Variants in ARNT2 observed in about 807,000 individuals in gnomAD.
The protein encoded by ARNT2 is ARNT protein 2.
A neutral mutation model predicts 91.7 loss-of-function variants in ARNT2; 36 were observed. That is an observed-to-expected ratio of 0.39 (90% confidence interval 0.30 to 0.52). The LOEUF is 0.52. Among genes scored for constraint, ARNT2 ranks in the 20% least tolerant of loss-of-function variants. ARNT2 has a pLI of 0.72. For missense variants in ARNT2, 775 were observed against 939.3 expected, an observed-to-expected ratio of 0.83 and a Z score of 2.29; for synonymous variants, 365 against 347.1, an observed-to-expected ratio of 1.05 and a Z score of -0.57.
At chr15:80,501,995 G>T (rs1285838572) in intron 5 of ARNT2, among the ~76,000 whole-genome samples, 1 of 152,158 alleles carries the variant, frequency 6.6e-6, no homozygotes, top group Non-Finnish European at 1.5e-5. Flanking sequence ...ACAGCTTCTG[G>T]TTGTGTTGGA....
At chr15:80,453,865 C>A (rs1218104892) in intron 2 of ARNT2, among the ~76,000 whole-genome samples, 2 of 152,152 alleles carry the variant, frequency 1.3e-5, no homozygotes, top group Non-Finnish European at 2.9e-5. Flanking sequence ...CACCCCCATT[C>A]CTTGCCTAGG....
Position 80,475,008 on chromosome 15 carries a change from A to G in ARNT2, c.409-2A>G. The G allele has an allele frequency of 6.2e-7, 1 of 1,614,028 alleles. No individual in the cohort carries two copies. Among genetic ancestry groups the G allele is most frequent in the Non-Finnish European group, 8.5e-7 (1 of 1,179,996 alleles). ...GTGCCAATCATAATCTTTTCTTTATAGGAACTGAAGCATCTCATCCTTGAA... is the reference window on the plus strand; with the variant it reads ...GTGCCAATCATAATCTTTTCTTTATGGGAACTGAAGCATCTCATCCTTGAA... On this transcript the variant is annotated splice_acceptor_variant, in intron 4 of 18. Transcript: ENST00000303329. LOFTEE classifies it high-confidence loss of function.
At chr15:80,478,339 T>C (rs895828930) in intron 5 of ARNT2, among the ~76,000 whole-genome samples, 3 of 152,172 alleles carry the variant, frequency 2.0e-5, no homozygotes, top group African/African-American at 7.2e-5. Context: ...AGCCAGCTGG[T>C]TCATCATAGT....
At chr15:80,411,183 C>G (rs1895675939) in intron 1 of ARNT2, among the ~76,000 whole-genome samples, 1 of 152,210 alleles carries the variant, frequency 6.6e-6, no homozygotes, top group African/African-American at 2.4e-5. Flanking sequence ...ATCATGCATT[C>G]TTCCAGGGCC....
At chr15:80,534,177 T>G (rs568060813) in intron 8 of ARNT2, among the ~76,000 whole-genome samples, 11 of 152,300 alleles carry the variant, frequency 7.2e-5, no homozygotes, top group African/African-American at 2.6e-4. Flanking sequence ...ATTTGATCAT[T>G]GAGGGGCAGG....
At chr15:80,468,209 C>G (rs1192251621) in intron 3 of ARNT2, among the ~76,000 whole-genome samples, 2 of 152,050 alleles carry the variant, frequency 1.3e-5, no homozygotes, top group Non-Finnish European at 1.5e-5. Context: ...CAGAGTTATC[C>G]TTTGTGGGTG....
At chr15:80,440,598 G>A (rs1896174723) in intron 1 of ARNT2, among the ~76,000 whole-genome samples, 1 of 152,178 alleles carries the variant, frequency 6.6e-6, no homozygotes, top group Non-Finnish European at 1.5e-5. Flanking sequence ...AGCCAGCACT[G>A]TTAGCTGAGG....
chr15:80,553,590 T>G (rs146606041), intron 10 of ARNT2, among the ~76,000 whole-genome samples: 1 of 152,330 alleles, frequency 6.6e-6, no homozygotes, highest in East Asian at 1.9e-4. Context: ...TACATGCATA[T>G]GTATGAATAT....
At chr15:80,558,326 G>C (rs1162657165) in intron 11 of ARNT2, among the ~76,000 whole-genome samples, 1 of 144,668 alleles carries the variant, frequency 6.9e-6, no homozygotes, top group African/African-American at 2.6e-5. Context: ...ACTTCATTAC[G>C]TCTGTGCTTT....
chr15:80,564,207 G>T (rs1293396345), intron 12 of ARNT2, among the ~76,000 whole-genome samples: 2 of 152,092 alleles, frequency 1.3e-5, no homozygotes, highest in Non-Finnish European at 2.9e-5. Flanking sequence ...TCAGCACTCA[G>T]TCGGGGGACC....
intron 1 of ARNT2, among the ~76,000 whole-genome samples, chr15:80,416,687 G>A (rs1304317460): frequency 1.3e-5 from 2 of 151,948 alleles, no homozygotes; most frequent in Non-Finnish European, 2.9e-5. Flanking sequence ...GTATAGGCCA[G>A]TTATTTTGCA....
At chr15:80,478,877 C>T (rs960545290) in intron 5 of ARNT2, among the ~76,000 whole-genome samples, 1 of 152,204 alleles carries the variant, frequency 6.6e-6, no homozygotes, top group African/African-American at 2.4e-5. Context: ...AATTATTGGA[C>T]TAGAGTCTCT....
intron 8 of ARNT2, among the ~76,000 whole-genome samples, chr15:80,538,707 T>C (rs1457233502): frequency 6.6e-6 from 1 of 151,988 alleles, no homozygotes; most frequent in Non-Finnish European, 1.5e-5. Flanking sequence ...TAGAATGCCA[T>C]AGGCAAACTG....
intron 5 of ARNT2, among the ~76,000 whole-genome samples, chr15:80,476,794 T>C (rs922121627): frequency 2.6e-5 from 4 of 152,352 alleles, no homozygotes; most frequent in Middle Eastern, 3.4e-3. Flanking sequence ...TATAACAAAA[T>C]ACAATAAACC....
At chr15:80,560,968 C>G (rs1242960353) in intron 11 of ARNT2, among the ~76,000 whole-genome samples, 1 of 152,202 alleles carries the variant, frequency 6.6e-6, no homozygotes, top group African/African-American at 2.4e-5. Context: ...TCTGGCTTCC[C>G]CTAGGGACAG....
chr15:80,414,523 G>A (rs549636366), intron 1 of ARNT2, among the ~76,000 whole-genome samples: 3 of 152,296 alleles, frequency 2.0e-5, no homozygotes, highest in African/African-American at 7.2e-5. Context: ...AAAGCAAGAT[G>A]ATGCTTTTGA....
At chr15:80,411,669 G>A (rs964119222) in intron 1 of ARNT2, among the ~76,000 whole-genome samples, 1 of 152,150 alleles carries the variant, frequency 6.6e-6, no homozygotes, top group African/African-American at 2.4e-5. Flanking sequence ...ACAGTCGAAT[G>A]TATTTATATA....
chr15:80,551,059 T>G (rs1898072172), intron 8 of ARNT2, 140 bp from the exon 9 acceptor site: 2 of 718,034 alleles, frequency 2.8e-6, no homozygotes, highest in East Asian at 2.5e-5. Context: ...AGGAACTGGT[T>G]AATTCATTGG....
At chr15:80,546,898 A>G (rs1897999301) in intron 8 of ARNT2, among the ~76,000 whole-genome samples, 2 of 151,500 alleles carry the variant, frequency 1.3e-5, no homozygotes. Context: ...GGGAGGTGGA[A>G]GTTGCAGTGA....
Sources: allele counts gnomAD v4.1 joint callset (sites outside exome capture counted in the v4.1 genomes callset), GRCh38; gene constraint gnomAD v4.1.1; transcripts MANE v1.5; gene names NCBI Gene and HGNC (gene_info 2026-07-23, HGNC 2026-07-21).